The following KCNIP4 variants were observed in gnomAD, a reference collection of about 807,000 sequenced individuals.
KCNIP4 encodes the protein potassium voltage-gated channel interacting protein 4, also known as Kv channel-interacting protein 4.
KCNIP4 carries 12 observed loss-of-function variants against 34.0 expected under a neutral mutation model. The observed-to-expected ratio is 0.35, with a 90% confidence interval of 0.23 to 0.57. The LOEUF is 0.57. Among genes scored for constraint, KCNIP4 ranks in the 20% least tolerant of loss-of-function variants. The pLI is 0.83. For synonymous variants in KCNIP4, 124 were observed against 102.2 expected (o/e 1.21, Z -1.29); for missense variants, 238 against 311.7 (o/e 0.76, Z 1.78).
rs1369428997 is a variant in KCNIP4, at chr4:21,297,098, A to ATG, written c.62-414391_62-414390dup. On this transcript the variant is annotated intron_variant, in intron 1 of 8. Coordinates refer to ENST00000382152, the MANE Select transcript of KCNIP4 (RefSeq NM_025221.6). The stretch of plus-strand genomic sequence containing the variant: ...TGGTAAGTCAAGTGCTATATCAAAT[A>ATG]TGTGTATATATATATATATATATAT... Among the ~76,000 whole-genome samples the ATG allele has an allele frequency of 8.5e-3, 1,188 of 140,400 alleles. 17 individuals carry two copies. Among genetic ancestry groups the ATG allele is most frequent in the African/African-American group, 0.031 (1,114 of 36,148 alleles). The allele number at this position is 140,400 out of a possible 152,430, so 92.1% of individuals were successfully genotyped here.
intron 1 of KCNIP4, among the ~76,000 whole-genome samples, chr4:21,383,022 G>A (rs1721661261): frequency 6.6e-6 from 1 of 152,136 alleles, no homozygotes; most frequent in Admixed American, 6.6e-5. Context: ...CCATTAGGGT[G>A]GGCTCTAATC....
At chr4:20,882,171 C>T (rs771555088) in intron 2 of KCNIP4, among the ~76,000 whole-genome samples, 5 of 152,136 alleles carry the variant, frequency 3.3e-5, no homozygotes, top group Admixed American at 6.5e-5. Context: ...ATTTAAATGA[C>T]ACTTTGTAAT....
intron 1 of KCNIP4, among the ~76,000 whole-genome samples, chr4:21,681,946 T>C (rs925182320): frequency 6.6e-6 from 1 of 151,958 alleles, no homozygotes; most frequent in Non-Finnish European, 1.5e-5. Context: ...TGAAGTGTAG[T>C]GGTACGGCCT....
intron 3 of KCNIP4, among the ~76,000 whole-genome samples, chr4:20,838,242 G>A (rs1206791983): frequency 6.6e-6 from 1 of 152,146 alleles, no homozygotes; most frequent in Non-Finnish European, 1.5e-5. Flanking sequence ...ATAAGACAGA[G>A]TCTTAGTACT....
At chr4:21,337,350 T>C (rs1025745494) in intron 1 of KCNIP4, among the ~76,000 whole-genome samples, 1 of 152,178 alleles carries the variant, frequency 6.6e-6, no homozygotes, top group Non-Finnish European at 1.5e-5. Context: ...AATGATGCCA[T>C]GAAACCAATT....
intron 1 of KCNIP4, among the ~76,000 whole-genome samples, chr4:21,549,773 G>A (rs568958508): frequency 6.6e-6 from 1 of 152,106 alleles, no homozygotes; most frequent in East Asian, 1.9e-4. Flanking sequence ...GGGCAGTGGG[G>A]CATAGAAGGA....
intron 1 of KCNIP4, among the ~76,000 whole-genome samples, chr4:21,103,179 C>G (rs1748104369): frequency 6.6e-6 from 1 of 151,338 alleles, no homozygotes; most frequent in African/African-American, 2.4e-5. Flanking sequence ...TTCCATTTAC[C>G]AACTTTGTGA....
At chr4:21,729,660 T>C (rs1715448639) in intron 1 of KCNIP4, among the ~76,000 whole-genome samples, 2 of 152,206 alleles carry the variant, frequency 1.3e-5, no homozygotes, top group African/African-American at 4.8e-5. Flanking sequence ...CTCTGCTTCA[T>C]TCCCATGAAT....
At chr4:21,077,517 C>CA (rs1477991663) in intron 1 of KCNIP4, among the ~76,000 whole-genome samples, 2 of 151,714 alleles carry the variant, frequency 1.3e-5, no homozygotes, top group Non-Finnish European at 2.9e-5. Context: ...ATAAGCACCT[C>CA]AAAACCAATA....
chr4:21,860,754 T>A (rs1289055048), intron 1 of KCNIP4, among the ~76,000 whole-genome samples: 1 of 152,190 alleles, frequency 6.6e-6, no homozygotes, highest in Non-Finnish European at 1.5e-5. Flanking sequence ...ACAATTGAAG[T>A]TATACACATA....
intron 1 of KCNIP4, among the ~76,000 whole-genome samples, chr4:21,877,895 G>A (rs1578101803): frequency 6.6e-6 from 1 of 152,124 alleles, no homozygotes; most frequent in South Asian, 2.1e-4. Flanking sequence ...GAATGTTCTG[G>A]GGTTGTGGAC....
At chr4:21,058,968 T>C (rs1378280023) in intron 1 of KCNIP4, among the ~76,000 whole-genome samples, 4 of 152,104 alleles carry the variant, frequency 2.6e-5, no homozygotes, top group African/African-American at 9.7e-5. Flanking sequence ...TGAGTCATGA[T>C]AGTGAATAAG....
intron 1 of KCNIP4, among the ~76,000 whole-genome samples, chr4:21,654,553 G>T (rs1253272205): frequency 3.3e-5 from 5 of 151,922 alleles, no homozygotes; most frequent in African/African-American, 1.2e-4. Context: ...AGATAAAAGG[G>T]CTGTGCCATC....
At chr4:21,528,746 A>AT in intron 1 of KCNIP4, among the ~76,000 whole-genome samples, 1 of 6,566 alleles carries the variant, frequency 1.5e-4, no homozygotes, top group South Asian at 7.0e-3. Flanking sequence ...AAAGAAAGAA[A>AT]GAAAGAAAGA....
chr4:20,818,983 C>T (rs1210553333), intron 3 of KCNIP4, among the ~76,000 whole-genome samples: 2 of 121,824 alleles, frequency 1.6e-5, no homozygotes, highest in Admixed American at 1.1e-4. Flanking sequence ...CTCCTGAGTT[C>T]AAGCGATTCT....
At chr4:20,748,558 TTTTATATA>T (rs1165865489) in intron 5 of KCNIP4, among the ~76,000 whole-genome samples, 6,128 of 118,138 alleles carry the variant, frequency 0.052, 286 homozygotes, top group Non-Finnish European at 0.07. Context: ...ACCTTCCAAA[TTTTATATA>T]TATATATATA....
At chr4:20,899,938 TGCTA>T (rs753401716) in intron 1 of KCNIP4, among the ~76,000 whole-genome samples, 2 of 152,226 alleles carry the variant, frequency 1.3e-5, no homozygotes, top group Non-Finnish European at 2.9e-5. Flanking sequence ...ATCCTGAAAA[TGCTA>T]GCATCACTCA....
intron 1 of KCNIP4, among the ~76,000 whole-genome samples, chr4:21,665,144 G>T (rs1046154191): frequency 6.6e-6 from 1 of 152,078 alleles, no homozygotes; most frequent in Non-Finnish European, 1.5e-5. Context: ...TTTTCAGAAA[G>T]AAATAATTTT....
intron 1 of KCNIP4, among the ~76,000 whole-genome samples, chr4:21,519,740 G>T (rs963440348): frequency 1.8e-5 from 2 of 110,240 alleles, no homozygotes; most frequent in Admixed American, 9.3e-5. Flanking sequence ...GTATATGTAT[G>T]ATACACACGT....
Sources: gnomAD v4.1 joint callset for allele counts (sites outside exome capture counted in the v4.1 genomes callset) on GRCh38, gnomAD v4.1.1 for gene constraint, MANE v1.5 for transcripts, NCBI Gene and HGNC (gene_info 2026-07-23, HGNC 2026-07-21) for gene names.